The following LHFPL3 variants were observed in gnomAD, a reference collection of about 807,000 sequenced individuals.
The protein encoded by LHFPL3 is LHFPL tetraspan subfamily member 3 protein.
Under a neutral mutation model 19.3 loss-of-function variants are expected in LHFPL3, and 5 were observed. The observed-to-expected ratio is 0.26, with a 90% CI of 0.14 to 0.54. The LOEUF (loss-of-function observed/expected upper bound fraction) is 0.54, where lower values mean the gene tolerates loss of function less well. LHFPL3 is among the 20% of genes least tolerant of loss of function. The pLI is 0.94. For synonymous variants in LHFPL3, 133 were observed against 126.2 expected, an observed-to-expected ratio of 1.05 and a Z score of -0.36; for missense variants, 249 against 307.4, an observed-to-expected ratio of 0.81 and a Z score of 1.42.
At chr7:104,480,330 C>T (rs1793108259) in intron 1 of LHFPL3, among the ~76,000 whole-genome samples, 1 of 152,118 alleles carries the variant, frequency 6.6e-6, no homozygotes, top group Non-Finnish European at 1.5e-5. Context: ...AATGACACCC[C>T]CCGTCCCCCC....
chr7:104,495,184 C>T (rs1793436882), intron 1 of LHFPL3, among the ~76,000 whole-genome samples: 1 of 152,124 alleles, frequency 6.6e-6, no homozygotes, highest in South Asian at 2.1e-4. Context: ...GCCAAACAGT[C>T]ACTACCTTCT....
chr7:104,688,622 C>T (rs1239845382), intron 1 of LHFPL3, among the ~76,000 whole-genome samples: 2 of 152,092 alleles, frequency 1.3e-5, no homozygotes, highest in African/African-American at 4.8e-5. Flanking sequence ...GCCTTTCCAC[C>T]TTTGTCTGAG....
chr7:104,896,168 G>C (rs957798004), intron 2 of LHFPL3: 2 of 152,168 alleles, frequency 1.3e-5, no homozygotes, highest in African/African-American at 4.8e-5. Flanking sequence ...GTCGTATTGG[G>C]GGTTAGGGCT....
At chr7:104,557,604 C>A (rs933148452) in intron 1 of LHFPL3, among the ~76,000 whole-genome samples, 3 of 152,162 alleles carry the variant, frequency 2.0e-5, no homozygotes, top group African/African-American at 4.8e-5. Context: ...TATCAGCATC[C>A]CTGCCTGTTT....
At position 104,570,065 on chromosome 7, in the gene LHFPL3, C is replaced by A. The variant is rs185945235; in HGVS notation, c.446-166610C>A. On this transcript the variant is annotated intron_variant, in intron 1 of 2. Transcript: ENST00000424859. ...TTTCTCTCAAATACATCTGCTCTTA[C>A]ATTTTTTTAAGTGCTGGCTTAAATT... Among the ~76,000 whole-genome samples, 419 of 152,320 alleles carry A rather than the reference C, an allele frequency of 2.8e-3. 1 individual carries two copies. The highest frequency in any genetic ancestry group is 9.7e-3 in the African/African-American group (405 of 41,578).
chr7:104,440,070 C>A (rs578042881), intron 1 of LHFPL3, among the ~76,000 whole-genome samples: 5 of 149,416 alleles, frequency 3.3e-5, no homozygotes, highest in African/African-American at 1.2e-4. Flanking sequence ...GAGATATACC[C>A]AATGCTAAAT....
chr7:104,537,702 T>A (rs1794415473), intron 1 of LHFPL3, among the ~76,000 whole-genome samples: 1 of 152,236 alleles, frequency 6.6e-6, no homozygotes. Flanking sequence ...TTCACAGTCA[T>A]GAACATTTTG....
intron 1 of LHFPL3, among the ~76,000 whole-genome samples, chr7:104,447,936 G>A (rs548580437): frequency 1.2e-4 from 18 of 151,830 alleles, no homozygotes; most frequent in African/African-American, 4.1e-4. Context: ...GATTTTTGTG[G>A]GTCAAAAATG....
chr7:104,814,994 C>A lies in LHFPL3; in HGVS notation c.682+78083C>A, dbSNP rs548235392. On this transcript the variant is annotated intron_variant, in intron 2 of 2. Transcript: ENST00000424859. ...CTGCAGTTTGGGGCAGCTGCAGCTG[C>A]GCCTGGGCTCCCACCTGCTCTATGG... Among the ~76,000 whole-genome samples, 11 of 152,282 alleles carry A rather than the reference C, an allele frequency of 7.2e-5. No individual in the cohort carries two copies. The South Asian group carries it at 2.1e-3, about 29-fold the overall frequency.
intron 1 of LHFPL3, among the ~76,000 whole-genome samples, chr7:104,380,339 T>C (rs1790803604): frequency 6.6e-6 from 1 of 152,164 alleles, no homozygotes; most frequent in African/African-American, 2.4e-5. Flanking sequence ...TTAAGAGATG[T>C]TAGATGTGGT....
intron 1 of LHFPL3, among the ~76,000 whole-genome samples, chr7:104,463,319 G>C (rs1488818227): frequency 1.3e-5 from 2 of 152,148 alleles, no homozygotes; most frequent in Non-Finnish European, 2.9e-5. Flanking sequence ...TCTTTAAGAT[G>C]TGATATTGGA....
At chr7:104,763,536 G>A (rs972655359) in intron 2 of LHFPL3, among the ~76,000 whole-genome samples, 4 of 152,242 alleles carry the variant, frequency 2.6e-5, no homozygotes, top group African/African-American at 9.6e-5. Context: ...TGCAGCCTCT[G>A]CACACCACTT....
At chr7:104,723,196 A>G (rs1453572790) in intron 1 of LHFPL3, among the ~76,000 whole-genome samples, 2 of 152,156 alleles carry the variant, frequency 1.3e-5, no homozygotes, top group Admixed American at 6.6e-5. Context: ...TTTGTGTACT[A>G]TTTCAGAAGA....
At chr7:104,625,796 T>G (rs1182532417) in intron 1 of LHFPL3, among the ~76,000 whole-genome samples, 3 of 152,208 alleles carry the variant, frequency 2.0e-5, no homozygotes, top group African/African-American at 7.2e-5. Flanking sequence ...TAACTCTTCC[T>G]TGGGGTCTTT....
chr7:104,558,397 T>A (rs1464619155), intron 1 of LHFPL3, among the ~76,000 whole-genome samples: 1 of 150,434 alleles, frequency 6.6e-6, no homozygotes. Flanking sequence ...GGTATCTCAT[T>A]GTGGTTTTGA....
intron 1 of LHFPL3, among the ~76,000 whole-genome samples, chr7:104,590,374 A>T (rs139632984): frequency 6.6e-6 from 1 of 152,178 alleles, no homozygotes; most frequent in East Asian, 1.9e-4. Flanking sequence ...TTATGTACCC[A>T]GTAGTCATTC....
In LHFPL3 at chr7:104,416,396, G is replaced by C. The variant is rs79018244; in HGVS notation, c.445+87172G>C. Reference sequence around the variant, plus strand: ...AGCCAACAAATTTCTGTTGTTACAGGAGCTCTAGAAAATGAATACACCACC... The same window carrying C: ...AGCCAACAAATTTCTGTTGTTACAGCAGCTCTAGAAAATGAATACACCACC... On this transcript the variant is annotated intron_variant, in intron 1 of 2. Transcript: ENST00000424859. Among the ~76,000 whole-genome samples, 1,260 of 152,196 alleles carry C rather than the reference G, an allele frequency of 8.3e-3. 73 individuals are homozygous for C. The East Asian group carries it at 0.16, about 19-fold the overall frequency.
At chr7:104,453,661 C>A (rs1398997282) in intron 1 of LHFPL3, among the ~76,000 whole-genome samples, 3 of 152,062 alleles carry the variant, frequency 2.0e-5, no homozygotes, top group Non-Finnish European at 2.9e-5. Context: ...TGCATGTAAT[C>A]CCCAGCGTTG....
chr7:104,438,405 A>C (rs952731817), intron 1 of LHFPL3, among the ~76,000 whole-genome samples: 5 of 152,238 alleles, frequency 3.3e-5, no homozygotes, highest in Non-Finnish European at 7.3e-5. Context: ...TATTCTCATA[A>C]AATAATTCAT....
Sources: allele counts gnomAD v4.1 joint callset (sites outside exome capture counted in the v4.1 genomes callset), GRCh38; gene constraint gnomAD v4.1.1; transcripts MANE v1.5; gene names NCBI Gene and HGNC (gene_info 2026-07-23, HGNC 2026-07-21).